The following MYO1F variants were observed in gnomAD, a reference collection of about 807,000 sequenced individuals.
MYO1F encodes myosin IF.
A neutral mutation model predicts 146.6 loss-of-function variants in MYO1F; 60 were observed. That is an observed-to-expected ratio of 0.41 (90% confidence interval 0.33 to 0.51). The LOEUF is 0.51. MYO1F is among the 20% of genes least tolerant of loss of function. The pLI, the probability that MYO1F is intolerant of heterozygous loss-of-function variation, is 0.25. For missense variants in MYO1F, 1,274 were observed against 1,534.3 expected, an observed-to-expected ratio of 0.83 and a Z score of 2.83; for synonymous variants, 602 against 602.1, an observed-to-expected ratio of 1.00 and a Z score of 0.00.
intron 4 of MYO1F, among the ~76,000 whole-genome samples, chr19:8,554,156 C>T (rs1973745335): frequency 6.6e-6 from 1 of 151,904 alleles, no homozygotes; most frequent in African/African-American, 2.4e-5. Flanking sequence ...AGGATGTTGC[C>T]ATATTGCCCA....
At chr19:8,540,139 A>G (rs1972899488) in intron 15 of MYO1F, 111 bp from the exon 16 acceptor site, 8 of 785,354 alleles carry the variant, frequency 1.0e-5, no homozygotes, top group Admixed American at 2.6e-5. Flanking sequence ...GGTTCTCTCA[A>G]TGTGGAGGGG....
chr19:8,523,952 C>G (rs1170219946), intron 25 of MYO1F, among the ~76,000 whole-genome samples: 1 of 151,400 alleles, frequency 6.6e-6, no homozygotes, highest in Non-Finnish European at 1.5e-5. Context: ...AACTCTGCCT[C>G]TACTAAAAAT....
At chr19:8,567,256 G>A (rs1014713055) in intron 1 of MYO1F, among the ~76,000 whole-genome samples, 1 of 151,316 alleles carries the variant, frequency 6.6e-6, no homozygotes, top group Non-Finnish European at 1.5e-5. Context: ...AGTAGAGATG[G>A]GGGTTTCACC....
chr19:8,557,446 C>A (rs1022993664), intron 1 of MYO1F, among the ~76,000 whole-genome samples: 4 of 152,220 alleles, frequency 2.6e-5, no homozygotes, highest in Admixed American at 2.0e-4. Context: ...GGACTACAGA[C>A]GTGCACCACC....
At chr19:8,553,886 A>ACT (rs1568361465) in intron 4 of MYO1F, among the ~76,000 whole-genome samples, 1 of 77,464 alleles carries the variant, frequency 1.3e-5, no homozygotes, top group South Asian at 4.8e-4. Context: ...ACACACACAC[A>ACT]CACACACACT....
chr19:8,575,593 C>T (rs1353698443), intron 1 of MYO1F, among the ~76,000 whole-genome samples: 3 of 152,070 alleles, frequency 2.0e-5, no homozygotes, highest in East Asian at 1.9e-4. Context: ...TCCATGACCC[C>T]GGGGGTTGGG....
intron 14 of MYO1F, among the ~76,000 whole-genome samples, chr19:8,543,726 C>A (rs59880313): frequency 1.6e-4 from 2 of 12,444 alleles, no homozygotes; most frequent in African/African-American, 7.9e-4. Flanking sequence ...GGTGGTGGTG[C>A]TGGTGGTGCT....
At chr19:8,552,693 T>C (rs887489136) in intron 6 of MYO1F, among the ~76,000 whole-genome samples, 11 of 151,138 alleles carry the variant, frequency 7.3e-5, no homozygotes, top group African/African-American at 2.2e-4. Flanking sequence ...GTTGCATAGA[T>C]TTTTTTCCCC....
chr19:8,555,245 C>G, intron 2 of MYO1F: 1 of 285,272 alleles, frequency 3.5e-6, no homozygotes, highest in Non-Finnish European at 6.8e-6. Context: ...TGGCGCATGC[C>G]TATAATCCCA....
At chr19:8,566,161 C>CTTTTTTTTTTTTTTTTTTTTTTTTTTT (rs781059040) in intron 1 of MYO1F, among the ~76,000 whole-genome samples, 2 of 78,338 alleles carry the variant, frequency 2.6e-5, no homozygotes, top group African/African-American at 5.4e-5. Context: ...CAGTCTATGT[C>CTTTTTTTTTTTTTTTTTTTTTTTTTTT]TTTTTTTTTT....
At chr19:8,562,842 C>T (rs1488640999) in intron 1 of MYO1F, among the ~76,000 whole-genome samples, 2 of 152,044 alleles carry the variant, frequency 1.3e-5, no homozygotes, top group Non-Finnish European at 2.9e-5. Flanking sequence ...CCAAGTTAAA[C>T]ATTTTGGAAA....
At chr19:8,564,102 C>G (rs748134909) in intron 1 of MYO1F, among the ~76,000 whole-genome samples, 2 of 151,942 alleles carry the variant, frequency 1.3e-5, no homozygotes, top group Non-Finnish European at 2.9e-5. Flanking sequence ...GGGTGCTGGC[C>G]GGGCATGGCG....
In MYO1F at chr19:8,550,290, C is replaced by T. The variant is rs755613439; in HGVS notation, c.971G>A (p.Arg324His). 82 of 1,613,976 alleles carry T rather than the reference C, an allele frequency of 5.1e-5. No individual in the cohort carries two copies. The highest frequency in any genetic ancestry group is 3.3e-4 in the Middle Eastern group (2 of 6,084). Residue 324 changes from arginine to histidine, a missense_variant, in exon 10 of 28, where the codon CGC becomes CAC. By Grantham distance (29) the Arg-to-His change is conservative. Transcript: ENST00000644032. ...SGRLQEKLTS[R>H]KMDSRWGGRS... The stretch of plus-strand genomic sequence containing the variant: ...CCCGCCCCAGCGGCTGTCCATCTTG[C>T]GGCTGGTCAGCTTCTCCTGCAGTCG...
At chr19:8,574,147 C>T (rs576804708) in intron 1 of MYO1F, among the ~76,000 whole-genome samples, 1 of 152,100 alleles carries the variant, frequency 6.6e-6, no homozygotes, top group African/African-American at 2.4e-5. Flanking sequence ...CCACCACCAA[C>T]GAACAACATT....
At chr19:8,542,728 T>C (rs1404988816) in intron 14 of MYO1F, among the ~76,000 whole-genome samples, 2 of 150,644 alleles carry the variant, frequency 1.3e-5, no homozygotes. Flanking sequence ...AGCCTCCCGA[T>C]GAGCTGGGAT....
chr19:8,540,712 C>CAAAAA (rs930566549), intron 15 of MYO1F, among the ~76,000 whole-genome samples: 2 of 76,442 alleles, frequency 2.6e-5, no homozygotes, highest in African/African-American at 9.5e-5. Context: ...ACACTGTCTC[C>CAAAAA]AAAAAAAAAA....
At position 8,545,640 on chromosome 19, in the gene MYO1F, C is replaced by T. The variant is rs767256717; in HGVS notation, c.1356+10G>A. 6.2e-7 allele frequency: 1 copy of T among 1,612,788 alleles called. No homozygotes were observed. The highest frequency in any genetic ancestry group is 1.1e-5 in the South Asian group (1 of 91,060). On this transcript the variant is annotated intron_variant, in intron 13 of 27. Transcript: ENST00000644032. ...TGAGACGCCCCCGCCAAAGTTGACC[C>T]AGCCCTCACCAGCTTGTTTTCGATG... is the stretch of plus-strand genomic sequence containing the variant.
At chr19:8,553,886 A>ACTCTCTCTCTCTCT (rs1568361465) in intron 4 of MYO1F, among the ~76,000 whole-genome samples, 1 of 77,376 alleles carries the variant, frequency 1.3e-5, no homozygotes, top group Non-Finnish European at 2.7e-5. Flanking sequence ...ACACACACAC[A>ACTCTCTCTCTCTCT]CACACACACT....
chr19:8,522,805 G>T lies in MYO1F; in HGVS notation c.2879C>A (p.Pro960His). The T allele has an allele frequency of 6.3e-7, 1 of 1,587,322 alleles. No homozygotes were observed. The highest frequency in any genetic ancestry group is 8.5e-7 in the Non-Finnish European group (1 of 1,169,690). Residue 960 changes from proline to histidine, a missense_variant, in exon 26 of 28, where the codon CCC becomes CAC. By Grantham distance (77) the Pro-to-His change is moderately conservative. Coordinates refer to ENST00000644032, the MANE Select transcript of MYO1F (RefSeq NM_012335.4). ...PRGMDRNGVP[P>H]SARGGPLPLE... Reference sequence around the variant, plus strand: ...GGGCAGGGGGCCCCCTCTGGCAGAGGGGGGCACCCCATTGCGATCCATGCC... The same window carrying T: ...GGGCAGGGGGCCCCCTCTGGCAGAGTGGGGCACCCCATTGCGATCCATGCC...
Sources: allele counts gnomAD v4.1 joint callset (sites outside exome capture counted in the v4.1 genomes callset), GRCh38; gene constraint gnomAD v4.1.1; transcripts MANE v1.5; gene names NCBI Gene and HGNC (gene_info 2026-07-23, HGNC 2026-07-21).